Variants in GLMN observed in about 807,000 individuals in gnomAD.
The protein encoded by GLMN is glomulin.
GLMN carries 75 observed loss-of-function variants against 87.8 expected under a neutral mutation model. The observed-to-expected ratio is 0.85, with a 90% CI of 0.71 to 1.04. The LOEUF (loss-of-function observed/expected upper bound fraction) is 1.04. Among genes scored for constraint, GLMN ranks in the 50% least tolerant of loss-of-function variants. GLMN has a pLI of 0.00. For synonymous variants in GLMN, 206 were observed against 221.6 expected (o/e 0.93, Z 0.63); for missense variants, 588 against 658.8 (o/e 0.89, Z 1.18).
At chr1:92,265,766 T>A (rs1366461028) in intron 13 of GLMN, among the ~76,000 whole-genome samples, 2 of 152,156 alleles carry the variant, frequency 1.3e-5, no homozygotes, top group Admixed American at 1.3e-4. Flanking sequence ...ACAGTACTAA[T>A]ATTGGCCAAT....
intron 3 of GLMN, among the ~76,000 whole-genome samples, chr1:92,293,253 G>C (rs1213217228): frequency 6.6e-6 from 1 of 152,066 alleles, no homozygotes; most frequent in Non-Finnish European, 1.5e-5. Context: ...ACTACAATGG[G>C]ATATCATCTC....
At chr1:92,253,480 C>A (rs1428119318) in intron 16 of GLMN, among the ~76,000 whole-genome samples, 1 of 152,182 alleles carries the variant, frequency 6.6e-6, no homozygotes, top group Non-Finnish European at 1.5e-5. Context: ...TAGGGAGACA[C>A]CTCCCAGCAG....
chr1:92,276,898 T>C (rs1165696811), intron 7 of GLMN, among the ~76,000 whole-genome samples: 1 of 152,132 alleles, frequency 6.6e-6, no homozygotes, highest in African/African-American at 2.4e-5. Flanking sequence ...ATGTGCTAGA[T>C]TATTTTTAGT....
intron 15 of GLMN, 60 bp downstream of exon 15, chr1:92,263,563 G>C: frequency 1.2e-6 from 1 of 811,530 alleles, no homozygotes; most frequent in Non-Finnish European, 2.2e-6. Flanking sequence ...GGTTCCCTAA[G>C]CAGATGTTTC....
chr1:92,326,262 T>C, the GLMN span, among the ~76,000 whole-genome samples: 1 of 152,186 alleles, frequency 6.6e-6, no homozygotes, highest in African/African-American at 2.4e-5. Flanking sequence ...GATGAATAAA[T>C]TCAGCACTAT....
chr1:92,353,033 T>C, the GLMN span, among the ~76,000 whole-genome samples: 1 of 152,254 alleles, frequency 6.6e-6, no homozygotes, highest in South Asian at 2.1e-4. Context: ...ACTTCATTCC[T>C]TTTTATGGCC....
intron 1 of GLMN, 124 bp from the exon 2 acceptor site, chr1:92,298,153 G>C (rs1418581616): frequency 5.0e-6 from 3 of 604,864 alleles, no homozygotes; most frequent in South Asian, 4.1e-5. Context: ...TTGTTGTTGT[G>C]TTTTTTGGTC....
chr1:92,307,024 A>G, the GLMN span, among the ~76,000 whole-genome samples: 1 of 152,226 alleles, frequency 6.6e-6, no homozygotes, highest in Admixed American at 6.5e-5. Flanking sequence ...GAAGGGGCAC[A>G]TAGAGGCCTT....
At chr1:92,286,615 C>G in intron 6 of GLMN, 23 bp from the exon 7 acceptor site, 2 of 1,130,932 alleles carry the variant, frequency 1.8e-6, no homozygotes, top group Non-Finnish European at 2.7e-6. Flanking sequence ...AAATAGGTAA[C>G]TATGAAATCA....
intron 14 of GLMN, among the ~76,000 whole-genome samples, chr1:92,264,238 A>G (rs1282439934): frequency 6.6e-6 from 1 of 152,042 alleles, no homozygotes; most frequent in Admixed American, 6.6e-5. Context: ...GCTTGAGCCC[A>G]GGAGGTGGAG....
the GLMN span, among the ~76,000 whole-genome samples, chr1:92,310,954 G>A: frequency 1.3e-5 from 2 of 152,042 alleles, no homozygotes; most frequent in Non-Finnish European, 2.9e-5. Flanking sequence ...CCAAACTTTC[G>A]ACCACTATAA....
chr1:92,366,576 C>T, the GLMN span, among the ~76,000 whole-genome samples: 8 of 152,180 alleles, frequency 5.3e-5, no homozygotes, highest in East Asian at 9.6e-4. Flanking sequence ...CAGATGTTTT[C>T]GGTGTCTCAC....
chr1:92,313,573 CATAAT>C, the GLMN span, among the ~76,000 whole-genome samples: 1 of 151,744 alleles, frequency 6.6e-6, no homozygotes, highest in Non-Finnish European at 1.5e-5. Flanking sequence ...GTAGATTTAG[CATAAT>C]TCTTAGGGGC....
At position 92,275,074 on chromosome 1, in the gene GLMN, T is replaced by C. The variant is rs1647193119; in HGVS notation, c.736-3422A>G. ...TATTGCTGGATAAAAAAATACAGAC[T>C]GTTACCACTATAGTTGTGGTTTCCA... is the stretch of plus-strand genomic sequence containing the variant. On this transcript the variant is annotated intron_variant, in intron 7 of 18. Coordinates refer to ENST00000370360, the MANE Select transcript of GLMN (RefSeq NM_053274.3). Among the ~76,000 whole-genome samples, 3 of 152,244 alleles carry C rather than the reference T, an allele frequency of 2.0e-5. No homozygotes were observed. In the South Asian group the frequency reaches 6.2e-4, roughly 32 times the overall value.
At chr1:92,338,814 T>G in the GLMN span, among the ~76,000 whole-genome samples, 1 of 151,994 alleles carries the variant, frequency 6.6e-6, no homozygotes. Context: ...CTCACTATGT[T>G]GCCCAGGCTG....
At chr1:92,326,883 C>G in the GLMN span, among the ~76,000 whole-genome samples, 1 of 152,238 alleles carries the variant, frequency 6.6e-6, no homozygotes, top group Non-Finnish European at 1.5e-5. Flanking sequence ...CAGCCTCTCA[C>G]CTGTGAGAAC....
chr1:92,361,122 T>C, the GLMN span, among the ~76,000 whole-genome samples: 21 of 150,004 alleles, frequency 1.4e-4, no homozygotes, highest in African/African-American at 4.6e-4. Flanking sequence ...CACACATATA[T>C]ATATATATAC....
intron 17 of GLMN, among the ~76,000 whole-genome samples, chr1:92,247,496 C>G (rs971631691): frequency 6.6e-6 from 1 of 152,008 alleles, no homozygotes; most frequent in African/African-American, 2.4e-5. Flanking sequence ...AGAGATCACA[C>G]GATTATTATA....
chr1:92,303,992 CCTG>C, the GLMN span: 4 of 1,609,336 alleles, frequency 2.5e-6, no homozygotes, highest in African/African-American at 1.3e-5. Flanking sequence ...GTTCATTACA[CCTG>C]CTCACTACAG....
Sources: allele counts gnomAD v4.1 joint callset (sites outside exome capture counted in the v4.1 genomes callset), GRCh38; gene constraint gnomAD v4.1.1; transcripts MANE v1.5; gene names NCBI Gene and HGNC (gene_info 2026-07-23, HGNC 2026-07-21).